The following NRG4 variants were observed in gnomAD, a reference collection of about 807,000 sequenced individuals.
NRG4 encodes the protein pro-neuregulin-4, membrane-bound isoform.
A neutral mutation model predicts 15.0 loss-of-function variants in NRG4; 10 were observed. The observed-to-expected ratio is 0.67, with a 90% confidence interval of 0.41 to 1.13. The LOEUF (loss-of-function observed/expected upper bound fraction) is 1.13. Among genes scored for constraint, NRG4 ranks in the 50% most tolerant of loss-of-function variants. The pLI is 0.00. For synonymous variants in NRG4, 41 were observed against 50.1 expected, an observed-to-expected ratio of 0.82 and a Z score of 0.77; for missense variants, 139 against 140.2, an observed-to-expected ratio of 0.99 and a Z score of 0.04.
Position 75,961,980 on chromosome 15 carries a change from G to T in NRG4, c.105-6C>A. On this transcript the variant is annotated splice_region_variant and splice_polypyrimidine_tract_variant and intron_variant, in intron 3 of 5. Coordinates refer to ENST00000394907, the MANE Select transcript of NRG4 (RefSeq NM_138573.4). The stretch of plus-strand genomic sequence containing the variant: ...CTGTATAGTTTTCAACGCACCTACA[G>T]AATAAAATTTTAGATAAAGAATTGC... The T allele has an allele frequency of 6.3e-7, 1 of 1,592,214 alleles. No individual in the cohort carries two copies. Among genetic ancestry groups the T allele is most frequent in the Non-Finnish European group, 8.5e-7 (1 of 1,170,550 alleles).
intron 4 of NRG4, among the ~76,000 whole-genome samples, chr15:75,958,075 C>T (rs992959046): frequency 2.0e-5 from 3 of 151,906 alleles, no homozygotes; most frequent in African/African-American, 4.8e-5. Flanking sequence ...TGCAGTGGTG[C>T]GATCTCAGCT....
chr15:76,024,422 G>A (rs896500522), intron 5 of NRG4, among the ~76,000 whole-genome samples: 5 of 152,172 alleles, frequency 3.3e-5, no homozygotes, highest in African/African-American at 1.2e-4. Flanking sequence ...GGACAGCTTA[G>A]AAGCCATGCA....
Position 76,011,216 on chromosome 15 carries a change from A to G in NRG4, c.10+5T>C. Reference sequence around the variant, plus strand: ...ACAAAAACATATAAATATATAAGAAATTACCTGTTGGCATCTTAATTTGTA... The same window carrying G: ...ACAAAAACATATAAATATATAAGAAGTTACCTGTTGGCATCTTAATTTGTA... On this transcript the variant is annotated splice_donor_5th_base_variant and intron_variant, in intron 2 of 5. Coordinates refer to ENST00000394907, the MANE Select transcript of NRG4 (RefSeq NM_138573.4). 1 of 1,439,876 alleles carries G rather than the reference A, an allele frequency of 6.9e-7. No individual in the cohort carries two copies. The highest frequency in any genetic ancestry group is 9.2e-7 in the Non-Finnish European group (1 of 1,086,976). 89.2% of individuals were successfully genotyped at this position (1,439,876 alleles called of 1,614,324 possible). A position where few individuals can be genotyped will look rare whatever the true frequency, so the allele number is the denominator to read the frequency against.
rs2030963222 is a variant in NRG4 at position 75,941,601 on chromosome 15, A to G, written c.*2037T>C. ...AATATTATTCAGCCATAAAAAGGAA[A>G]TCCTTCTACATACTACATCATGGAT... On this transcript the variant is annotated 3_prime_UTR_variant, in exon 6 of 6. Coordinates refer to ENST00000394907, the MANE Select transcript of NRG4 (RefSeq NM_138573.4). 6.6e-6 allele frequency: 1 copy of G among 152,198 alleles called. No individual in the cohort carries two copies. The highest frequency in any genetic ancestry group is 6.5e-5 in the Admixed American group (1 of 15,286). 9.4% of individuals were successfully genotyped at this position (152,198 alleles called of 1,614,324 possible). A position where few individuals can be genotyped will look rare whatever the true frequency, so the allele number is the denominator to read the frequency against.
intron 3 of NRG4, among the ~76,000 whole-genome samples, chr15:75,991,005 C>T (rs2033995193): frequency 6.6e-6 from 1 of 152,078 alleles, no homozygotes; most frequent in African/African-American, 2.4e-5. Context: ...ATTAATCTAG[C>T]TATGAGTTTA....
chr15:75,993,165 A>T (rs1252985839), intron 3 of NRG4, among the ~76,000 whole-genome samples: 3 of 150,416 alleles, frequency 2.0e-5, no homozygotes, highest in African/African-American at 7.3e-5. Context: ...TTCTCTTTAT[A>T]TTTTTTTCCT....
intron 5 of NRG4, among the ~76,000 whole-genome samples, chr15:75,949,174 G>A (rs1379831831): frequency 6.6e-6 from 1 of 152,114 alleles, no homozygotes; most frequent in African/African-American, 2.4e-5. Context: ...CATTCCGAGC[G>A]GCCAAGGCAG....
chr15:75,971,597 T>C (rs1428248626), intron 3 of NRG4, among the ~76,000 whole-genome samples: 1 of 152,192 alleles, frequency 6.6e-6, no homozygotes, highest in Non-Finnish European at 1.5e-5. Flanking sequence ...TAGAGGATAT[T>C]ATTACAGTAT....
Position 75,977,131 on chromosome 15 carries a change from A to G in NRG4, c.105-15157T>C, listed in dbSNP as rs1241763520. 6.6e-6 allele frequency among the ~76,000 whole-genome samples: 1 copy of G among 152,072 alleles called. No homozygotes were observed. The highest frequency in any genetic ancestry group is 1.5e-5 in the Non-Finnish European group (1 of 68,008). On this transcript the variant is annotated intron_variant, in intron 3 of 5. Coordinates refer to ENST00000394907, the MANE Select transcript of NRG4 (RefSeq NM_138573.4). This position sits in a 1 kb window ranked among gnomAD's most constrained non-coding sequence, Gnocchi z 4.9. ...TCCCAGCAGTTTTGTTTACACTATG[A>G]GGGGAAAACTGCCCACTCAAGCCTC...
chr15:75,960,071 T>C (rs1259313456), intron 4 of NRG4, among the ~76,000 whole-genome samples: 1 of 152,162 alleles, frequency 6.6e-6, no homozygotes, highest in Non-Finnish European at 1.5e-5. Flanking sequence ...AGTATTAGGG[T>C]TGGTAGTTAC....
intron 3 of NRG4, among the ~76,000 whole-genome samples, chr15:75,983,020 T>C (rs2033662548): frequency 6.6e-6 from 1 of 151,946 alleles, no homozygotes; most frequent in African/African-American, 2.4e-5. Flanking sequence ...ATCAGAAAAA[T>C]AATAGCATTT....
intron 3 of NRG4, among the ~76,000 whole-genome samples, chr15:75,981,039 G>T (rs914006113): frequency 3.3e-5 from 5 of 152,178 alleles, no homozygotes; most frequent in African/African-American, 1.2e-4. Context: ...AGCACATTTG[G>T]TGAATTGCAG....
chr15:76,000,073 G>A (rs766666118), intron 3 of NRG4, among the ~76,000 whole-genome samples: 16 of 152,006 alleles, frequency 1.1e-4, no homozygotes, highest in Non-Finnish European at 1.9e-4. Flanking sequence ...TAGTAGAAAC[G>A]GGGTTTCACC....
At chr15:76,005,451 C>T (rs1341981529) in intron 3 of NRG4, among the ~76,000 whole-genome samples, 5 of 142,692 alleles carry the variant, frequency 3.5e-5, no homozygotes, top group East Asian at 2.0e-4. Flanking sequence ...TTGGGAAGCC[C>T]GAGGTGGGTG....
chr15:75,961,278 G>GT (rs202038389), intron 4 of NRG4, among the ~76,000 whole-genome samples: 2,637 of 145,874 alleles, frequency 0.018, 79 homozygotes, highest in East Asian at 0.15. Flanking sequence ...CATGCAAGTA[G>GT]TTTTTTTTTT....
intron 3 of NRG4, among the ~76,000 whole-genome samples, chr15:75,965,965 T>G (rs1054052742): frequency 3.3e-5 from 5 of 152,212 alleles, no homozygotes; most frequent in Non-Finnish European, 7.3e-5. Context: ...TTGTGCCACC[T>G]AATGAGGTGA....
At chr15:76,018,612 T>C (rs1488595056) in intron 5 of NRG4, among the ~76,000 whole-genome samples, 1 of 151,948 alleles carries the variant, frequency 6.6e-6, no homozygotes, top group Non-Finnish European at 1.5e-5. Flanking sequence ...TGGAGTTTGC[T>C]GGAGGTTCAC....
chr15:76,005,088 AG>A (rs1293027218), intron 3 of NRG4, among the ~76,000 whole-genome samples: 2 of 152,134 alleles, frequency 1.3e-5, no homozygotes, highest in Non-Finnish European at 2.9e-5. Flanking sequence ...GAAACTCATA[AG>A]GGGGCTGGAT....
intron 2 of NRG4, among the ~76,000 whole-genome samples, chr15:76,055,691 TA>T (rs1242696506): frequency 2.0e-5 from 3 of 152,242 alleles, no homozygotes; most frequent in African/African-American, 7.2e-5. Context: ...ATTTGAAGTT[TA>T]AATTCATATA....
Sources: allele counts gnomAD v4.1 joint callset (sites outside exome capture counted in the v4.1 genomes callset), GRCh38; gene constraint gnomAD v4.1.1; non-coding constraint Gnocchi (gnomAD v3.1); transcripts MANE v1.5; gene names NCBI Gene and HGNC (gene_info 2026-07-23, HGNC 2026-07-21).